The following ST3GAL1 variants were observed in gnomAD, a reference collection of about 807,000 sequenced individuals.
The protein encoded by ST3GAL1 is ST3 beta-galactoside alpha-2,3-sialyltransferase 1, also known as CMP-N-acetylneuraminate-beta-galactosamide-alpha-2,3-sialyltransferase 1.
Under a neutral mutation model 34.1 loss-of-function variants are expected in ST3GAL1, and 16 were observed. The observed-to-expected ratio is 0.47, with a 90% confidence interval of 0.32 to 0.71. The LOEUF is 0.71. Ranked by LOEUF, ST3GAL1 falls within the 30% of genes least tolerant of loss-of-function variation. ST3GAL1 has a pLI of 0.04. For synonymous variants in ST3GAL1, 191 were observed against 184.7 expected, an observed-to-expected ratio of 1.03 and a Z score of -0.28; for missense variants, 353 against 447.4, an observed-to-expected ratio of 0.79 and a Z score of 1.90.
rs373536044 is a variant in ST3GAL1, at chr8:133,570,744, G to C, written c.-582+949C>G. 1.1e-4 allele frequency among the ~76,000 whole-genome samples: 16 copies of C among 152,296 alleles called. 1 individual carries two copies. The highest frequency in any genetic ancestry group is 3.6e-4 in the African/African-American group (15 of 41,556). ...AGGAGGAGCGGAAAGTTGCGCCACCGTCCCGATTCCAAACTAACTGTACCC... is the reference window on the plus strand; with the variant it reads ...AGGAGGAGCGGAAAGTTGCGCCACCCTCCCGATTCCAAACTAACTGTACCC... On this transcript the variant is annotated intron_variant, in intron 1 of 9. Coordinates refer to ENST00000522652, the MANE Select transcript of ST3GAL1 (RefSeq NM_173344.3). This position sits in a 1 kb window ranked among gnomAD's most constrained non-coding sequence, Gnocchi z 5.6.
chr8:133,492,042 G>C (rs1238206574), intron 3 of ST3GAL1, among the ~76,000 whole-genome samples: 1 of 152,168 alleles, frequency 6.6e-6, no homozygotes, highest in Non-Finnish European at 1.5e-5. Context: ...CGGCACCACG[G>C]GGTCAGGGCA....
chr8:133,489,343 G>C (rs1816715011), intron 3 of ST3GAL1, among the ~76,000 whole-genome samples: 1 of 152,104 alleles, frequency 6.6e-6, no homozygotes, highest in Non-Finnish European at 1.5e-5. Context: ...AGTGCCCCAG[G>C]AGCTGTGCCC....
At chr8:133,550,207 A>G (rs2131082810) in intron 1 of ST3GAL1, among the ~76,000 whole-genome samples, 1 of 152,332 alleles carries the variant, frequency 6.6e-6, no homozygotes, top group South Asian at 2.1e-4. Context: ...GCCATGTCCC[A>G]GTTCTCTTCT....
In ST3GAL1 at chr8:133,465,990, G is replaced by A. The variant is rs199925387; in HGVS notation, c.407C>T (p.Ser136Leu). The change falls in exon 6 of 10, where the codon TCG (serine) becomes TTG (leucine). Residue 136 changes from serine (S) to leucine (L), a missense_variant. By Grantham distance (145) the Ser-to-Leu change is moderately radical. Transcript: ENST00000522652. ...GNVDPMLEKR[S>L]VGCRRCAVVG... ...AACGGCGCAGCGCCGGCAGCCCACC[G>A]ACCTCTTCTCCAGCATAGGGTCCAC... 341 of 1,614,198 alleles carry A rather than the reference G, an allele frequency of 2.1e-4. 1 individual carries two copies. The highest frequency in any genetic ancestry group is 5.0e-4 in the Admixed American group (30 of 60,024).
At chr8:133,565,768 G>C (rs780938724) in intron 1 of ST3GAL1, among the ~76,000 whole-genome samples, 3 of 152,218 alleles carry the variant, frequency 2.0e-5, no homozygotes, top group African/African-American at 7.2e-5. Flanking sequence ...CATCTCCCAG[G>C]TGAGGAAACG....
intron 2 of ST3GAL1, among the ~76,000 whole-genome samples, chr8:133,518,323 CCAAT>C: frequency 6.6e-6 from 1 of 152,194 alleles, no homozygotes; most frequent in Non-Finnish European, 1.5e-5. Context: ...CCAAAATGCA[CCAAT>C]CAGCCACCAG....
At chr8:133,529,784 G>A (rs1818089964) in intron 2 of ST3GAL1, among the ~76,000 whole-genome samples, 1 of 152,098 alleles carries the variant, frequency 6.6e-6, no homozygotes, top group African/African-American at 2.4e-5. Context: ...GACTCACCAG[G>A]CATAGCTTTG....
intron 2 of ST3GAL1, among the ~76,000 whole-genome samples, chr8:133,503,189 T>C (rs1466510656): frequency 1.3e-5 from 2 of 152,190 alleles, no homozygotes; most frequent in Non-Finnish European, 2.9e-5. Context: ...AAGATTTTGT[T>C]ATGCAGCAAA....
chr8:133,540,958 T>TATATAGACATATATATAGAC (rs1554618800), intron 2 of ST3GAL1, among the ~76,000 whole-genome samples: 5 of 71,582 alleles, frequency 7.0e-5, no homozygotes, highest in African/African-American at 2.8e-4. Flanking sequence ...TATATAGACA[T>TATATAGACATATATATAGAC]ATATATAGAC....
intron 7 of ST3GAL1, among the ~76,000 whole-genome samples, chr8:133,464,374 C>A (rs1815645552): frequency 6.6e-6 from 1 of 152,310 alleles, no homozygotes; most frequent in South Asian, 2.1e-4. Context: ...GCACTCCCCA[C>A]TCCTCATTTC....
chr8:133,528,270 G>C (rs1050826590), intron 2 of ST3GAL1, among the ~76,000 whole-genome samples: 1 of 152,132 alleles, frequency 6.6e-6, no homozygotes, highest in African/African-American at 2.4e-5. Flanking sequence ...CAAGCCCCTT[G>C]CCAGCATTTT....
intron 1 of ST3GAL1, among the ~76,000 whole-genome samples, chr8:133,559,064 T>C (rs1270310866): frequency 1.3e-5 from 2 of 149,092 alleles, no homozygotes; most frequent in Admixed American, 6.7e-5. Flanking sequence ...TGTGTGTGCA[T>C]GTGTGCACGT....
intron 2 of ST3GAL1, chr8:133,539,772 T>A (rs1027394252): frequency 2.6e-5 from 4 of 152,050 alleles, no homozygotes; most frequent in African/African-American, 9.7e-5. Context: ...TGGCGCACGC[T>A]CGTATTCCAG....
At chr8:133,519,683 C>A (rs780982630) in intron 2 of ST3GAL1, among the ~76,000 whole-genome samples, 1 of 152,044 alleles carries the variant, frequency 6.6e-6, no homozygotes, top group African/African-American at 2.4e-5. Flanking sequence ...CGGGAGCGCA[C>A]GCCTGTAATC....
intron 2 of ST3GAL1, among the ~76,000 whole-genome samples, chr8:133,505,029 G>A (rs968574326): frequency 7.2e-5 from 11 of 152,142 alleles, no homozygotes; most frequent in Non-Finnish European, 1.6e-4. Flanking sequence ...GCAGACACCT[G>A]GGGGTGGTCA....
At chr8:133,534,052 G>C (rs184815883) in intron 2 of ST3GAL1, among the ~76,000 whole-genome samples, 76 of 152,180 alleles carry the variant, frequency 5.0e-4, no homozygotes, top group African/African-American at 1.6e-3. Context: ...GGATTCAATG[G>C]GGAAAAAAAC....
intron 2 of ST3GAL1, among the ~76,000 whole-genome samples, chr8:133,524,749 A>G (rs1019090975): frequency 1.3e-5 from 2 of 152,260 alleles, no homozygotes; most frequent in African/African-American, 2.4e-5. Flanking sequence ...TGTACCACAC[A>G]TGGCTTCTGC....
intron 1 of ST3GAL1, among the ~76,000 whole-genome samples, chr8:133,550,822 C>T (rs1373525455): frequency 6.6e-6 from 1 of 152,184 alleles, no homozygotes; most frequent in Non-Finnish European, 1.5e-5. Context: ...CCATCCACAG[C>T]CCCCTCATGC....
chr8:133,569,788 G>C (rs1368926053), intron 1 of ST3GAL1, among the ~76,000 whole-genome samples: 1 of 152,190 alleles, frequency 6.6e-6, no homozygotes, highest in South Asian at 2.1e-4. Context: ...AGCCGGCAGG[G>C]GGCAGTGCAC....
Sources: allele counts gnomAD v4.1 joint callset (sites outside exome capture counted in the v4.1 genomes callset), GRCh38; gene constraint gnomAD v4.1.1; non-coding constraint Gnocchi (gnomAD v3.1); transcripts MANE v1.5; gene names NCBI Gene and HGNC (gene_info 2026-07-23, HGNC 2026-07-21).